RBFOX1: variants seen among roughly 807,000 people sequenced by gnomAD.
The protein encoded by RBFOX1 is RNA binding protein fox-1 homolog 1.
RBFOX1 carries 8 observed loss-of-function variants against 57.7 expected under a neutral mutation model. The observed-to-expected ratio is 0.14, with a 90% CI of 0.08 to 0.25. The LOEUF (loss-of-function observed/expected upper bound fraction) is 0.25, where lower values mean the gene tolerates loss of function less well. RBFOX1 is among the 10% of genes least tolerant of loss of function. The pLI is 1.00. For synonymous variants in RBFOX1, 326 were observed against 222.4 expected (o/e 1.47, Z -4.15); for missense variants, 611 against 548.5 (o/e 1.11, Z -1.14).
chr16:6,969,745 A>G (rs937551290), intron 3 of RBFOX1, among the ~76,000 whole-genome samples: 1 of 152,056 alleles, frequency 6.6e-6, no homozygotes, highest in Non-Finnish European at 1.5e-5. Flanking sequence ...CCCTGTCTCA[A>G]ATAAATAAAA....
intron 11 of RBFOX1, among the ~76,000 whole-genome samples, chr16:7,645,256 G>A (rs1597208611): frequency 6.6e-6 from 1 of 152,230 alleles, no homozygotes. Context: ...ATTCAATTAT[G>A]GTGCGCAGTG....
intron 1 of RBFOX1, among the ~76,000 whole-genome samples, chr16:6,179,989 G>C (rs2097049764): frequency 6.6e-6 from 1 of 152,162 alleles, no homozygotes; most frequent in Non-Finnish European, 1.5e-5. Context: ...TGATCATATG[G>C]TGTATGTCAG....
At position 7,686,284 on chromosome 16, in the gene RBFOX1, C is replaced by A. The variant is rs114035452; in HGVS notation, c.995+9446C>A. 9.2e-3 allele frequency among the ~76,000 whole-genome samples: 1,406 copies of A among 152,026 alleles called. 29 individuals carry two copies. The highest frequency in any genetic ancestry group is 0.033 in the African/African-American group (1,355 of 41,490). ...GTTTTTGGTTGTTTTAAAATCTTGA[C>A]TTCTACCCTAGAAATATAAACATAG... On this transcript the variant is annotated intron_variant, in intron 14 of 15. Transcript: ENST00000550418.
chr16:7,072,031 C>T (rs1489122565), intron 4 of RBFOX1, among the ~76,000 whole-genome samples: 3 of 152,148 alleles, frequency 2.0e-5, no homozygotes, highest in Non-Finnish European at 2.9e-5. Flanking sequence ...GAAGTCATAA[C>T]GATTTCTAAA....
At chr16:5,596,341 C>G (rs1360620886) in intron 2 of RBFOX1, among the ~76,000 whole-genome samples, 2 of 152,154 alleles carry the variant, frequency 1.3e-5, no homozygotes, top group Non-Finnish European at 2.9e-5. Context: ...TGACTCAAAC[C>G]TAATTTTACC....
chr16:5,900,008 C>G (rs539209065), intron 4 of RBFOX1, among the ~76,000 whole-genome samples: 1 of 152,120 alleles, frequency 6.6e-6, no homozygotes, highest in Non-Finnish European at 1.5e-5. Flanking sequence ...AACCCAGGAA[C>G]TGGAGGTTGC....
chr16:7,400,140 C>T (rs1040819609), intron 4 of RBFOX1, among the ~76,000 whole-genome samples: 1 of 152,124 alleles, frequency 6.6e-6, no homozygotes, highest in East Asian at 1.9e-4. Context: ...CCGGAATTTT[C>T]TGATTCTGCC....
At chr16:6,951,109 G>A (rs1472310987) in intron 3 of RBFOX1, among the ~76,000 whole-genome samples, 1 of 152,074 alleles carries the variant, frequency 6.6e-6, no homozygotes, top group Non-Finnish European at 1.5e-5. Context: ...GACTCCCTAT[G>A]TTGCCCAGGC....
chr16:6,899,401 T>C (rs1226145861), intron 3 of RBFOX1, among the ~76,000 whole-genome samples: 2 of 152,208 alleles, frequency 1.3e-5, no homozygotes, highest in Non-Finnish European at 2.9e-5. Context: ...GCTCAAAATT[T>C]TCATGAAGCA....
rs113892396 is a variant in RBFOX1 at position 6,706,606 on chromosome 16, C to T, written c.-16+51956C>T. On this transcript the variant is annotated intron_variant, in intron 3 of 15. Coordinates refer to ENST00000550418, the MANE Select transcript of RBFOX1 (RefSeq NM_018723.4). Reference sequence around the variant, plus strand: ...GTGCCATTGCTCTAATAGAGTTGTACTTGTTTCCTGGTCTTGCCAACACTG... The same window carrying T: ...GTGCCATTGCTCTAATAGAGTTGTATTTGTTTCCTGGTCTTGCCAACACTG... 2.8e-3 allele frequency among the ~76,000 whole-genome samples: 432 copies of T among 152,174 alleles called. 3 individuals carry two copies. Among genetic ancestry groups the T allele is most frequent in the African/African-American group, 0.01 (416 of 41,528 alleles).
Position 6,916,621 on chromosome 16 carries a change from C to T in RBFOX1, c.-15-135436C>T, listed in dbSNP as rs1403321756. 2.0e-5 allele frequency among the ~76,000 whole-genome samples: 3 copies of T among 152,232 alleles called. No individual in the cohort carries two copies. In the East Asian group the frequency reaches 5.8e-4, roughly 30 times the overall value. Reference sequence around the variant, plus strand: ...GCCTTCCATCTTGCAACGCTATTGGCCGTTCTGGCTTGTGTTTTTCTGGAT... The same window carrying T: ...GCCTTCCATCTTGCAACGCTATTGGTCGTTCTGGCTTGTGTTTTTCTGGAT... On this transcript the variant is annotated intron_variant, in intron 3 of 15. Coordinates refer to ENST00000550418, the MANE Select transcript of RBFOX1 (RefSeq NM_018723.4).
At chr16:7,516,773 A>C (rs2076449825) in intron 4 of RBFOX1, among the ~76,000 whole-genome samples, 2 of 152,132 alleles carry the variant, frequency 1.3e-5, no homozygotes, top group Admixed American at 1.3e-4. Flanking sequence ...CATCTTTAAC[A>C]TTCTAATTAA....
chr16:7,138,710 T>C (rs2072751311), intron 4 of RBFOX1, among the ~76,000 whole-genome samples: 1 of 152,208 alleles, frequency 6.6e-6, no homozygotes, highest in Non-Finnish European at 1.5e-5. Flanking sequence ...CCCAGATATA[T>C]AGGCTGCATT....
intron 3 of RBFOX1, among the ~76,000 whole-genome samples, chr16:5,684,164 C>G (rs1177466954): frequency 1.3e-5 from 2 of 152,048 alleles, no homozygotes; most frequent in Admixed American, 6.5e-5. Context: ...CATCCTATAT[C>G]TAAAAAGGAT....
chr16:5,999,657 C>T (rs972005456), intron 4 of RBFOX1, among the ~76,000 whole-genome samples: 3 of 151,814 alleles, frequency 2.0e-5, no homozygotes, highest in Admixed American at 6.6e-5. Context: ...GTCAGGAGAT[C>T]GAGACCATTC....
chr16:6,780,638 T>G (rs1232774652), intron 3 of RBFOX1, among the ~76,000 whole-genome samples: 1 of 147,174 alleles, frequency 6.8e-6, no homozygotes, highest in Admixed American at 7.1e-5. Context: ...TTTCTTTTCT[T>G]TCTTTTATAT....
intron 3 of RBFOX1, among the ~76,000 whole-genome samples, chr16:6,918,570 A>G (rs1048030106): frequency 6.6e-6 from 1 of 152,164 alleles, no homozygotes; most frequent in Admixed American, 6.5e-5. Flanking sequence ...TCATTTAAAG[A>G]ATAAGTAACC....
intron 3 of RBFOX1, among the ~76,000 whole-genome samples, chr16:5,839,557 C>G (rs921000946): frequency 2.6e-4 from 40 of 152,286 alleles, no homozygotes; most frequent in African/African-American, 7.7e-4. Flanking sequence ...AACAACATAC[C>G]TGGCCATCAG....
chr16:6,939,712 A>G (rs978790558), intron 3 of RBFOX1, among the ~76,000 whole-genome samples: 1 of 151,692 alleles, frequency 6.6e-6, no homozygotes, highest in South Asian at 2.1e-4. Flanking sequence ...AGGCTTCACT[A>G]TGTTGGCCGG....
Sources: allele counts gnomAD v4.1 joint callset (sites outside exome capture counted in the v4.1 genomes callset), GRCh38; gene constraint gnomAD v4.1.1; transcripts MANE v1.5; gene names NCBI Gene and HGNC (gene_info 2026-07-23, HGNC 2026-07-21).